Variants in GRM7 observed in about 807,000 individuals in gnomAD.
GRM7 encodes the protein glutamate metabotropic receptor 7.
In GRM7, 35 loss-of-function variants were observed where a neutral mutation model predicts 84.5. That is an observed-to-expected ratio of 0.41 (90% CI 0.32 to 0.55). GRM7 has a LOEUF of 0.55. Ranked by LOEUF, GRM7 falls within the 20% of genes least tolerant of loss-of-function variation. The pLI, the probability that GRM7 is intolerant of heterozygous loss-of-function variation, is 0.19. For synonymous variants in GRM7, 487 were observed against 455.1 expected (o/e 1.07, Z -0.89); for missense variants, 1,003 against 1,194.6 (o/e 0.84, Z 2.36).
Position 6,904,330 on chromosome 3 carries a change from T to C in GRM7, c.519+42423T>C, listed in dbSNP as rs546683654. 4.6e-5 allele frequency among the ~76,000 whole-genome samples: 7 copies of C among 152,298 alleles called. No homozygotes were observed. The South Asian group carries it at 8.3e-4, about 18-fold the overall frequency. On this transcript the variant is annotated intron_variant, in intron 1 of 9. Transcript: ENST00000357716. ...GTATTTATAGTATTTAGTAGAATGA[T>C]CTCTGAGGAAAAACTGTATGGGTTT...
At chr3:7,259,302 T>A (rs188393822) in intron 2 of GRM7, among the ~76,000 whole-genome samples, 1 of 152,310 alleles carries the variant, frequency 6.6e-6, no homozygotes, top group East Asian at 1.9e-4. Context: ...TTATTTTAGA[T>A]TTTGGGATAC....
At chr3:7,057,814 C>T (rs1175325127) in intron 1 of GRM7, among the ~76,000 whole-genome samples, 6 of 151,824 alleles carry the variant, frequency 4.0e-5, no homozygotes, top group African/African-American at 9.7e-5. Context: ...GATGATCTCT[C>T]GATCTAGTGC....
intron 2 of GRM7, among the ~76,000 whole-genome samples, chr3:7,260,378 G>A (rs777925886): frequency 3.9e-5 from 6 of 151,962 alleles, no homozygotes; most frequent in Admixed American, 6.6e-5. Flanking sequence ...TGTCCAGAAC[G>A]GTATTGCCTA....
intron 1 of GRM7, among the ~76,000 whole-genome samples, chr3:7,083,475 G>C (rs554031237): frequency 3.3e-5 from 5 of 152,230 alleles, no homozygotes; most frequent in South Asian, 2.1e-4. Flanking sequence ...GTGGTCTGGA[G>C]CCAATTCTAC....
intron 2 of GRM7, among the ~76,000 whole-genome samples, chr3:7,238,996 CCT>C (rs1460848362): frequency 5.1e-5 from 6 of 118,356 alleles, no homozygotes; most frequent in East Asian, 4.9e-4. Context: ...TTTCTTTTTT[CCT>C]TTTTCTTTTT....
chr3:6,896,796 T>A (rs954428016), intron 1 of GRM7, among the ~76,000 whole-genome samples: 2 of 152,206 alleles, frequency 1.3e-5, no homozygotes, highest in African/African-American at 4.8e-5. Flanking sequence ...GGAAAATAAC[T>A]CTTCTTTCTT....
chr3:7,714,952 T>C (rs1352027184), intron 9 of GRM7, among the ~76,000 whole-genome samples: 2 of 152,190 alleles, frequency 1.3e-5, no homozygotes, highest in East Asian at 3.9e-4. Context: ...TGGTAGCTTC[T>C]CTTCCCAGCC....
intron 4 of GRM7, among the ~76,000 whole-genome samples, chr3:7,307,834 A>G (rs1700246429): frequency 1.3e-5 from 2 of 152,230 alleles, no homozygotes; most frequent in African/African-American, 4.8e-5. Context: ...GCTAGGAGTC[A>G]GGAAAACAAA....
chr3:7,110,804 A>G (rs1692822566), intron 1 of GRM7, among the ~76,000 whole-genome samples: 1 of 152,108 alleles, frequency 6.6e-6, no homozygotes, highest in East Asian at 1.9e-4. Context: ...TGTGTAAATT[A>G]GCAACATCAA....
intron 9 of GRM7, among the ~76,000 whole-genome samples, chr3:7,696,727 C>G (rs1175675087): frequency 6.6e-6 from 1 of 152,152 alleles, no homozygotes; most frequent in East Asian, 1.9e-4. Flanking sequence ...CATTGTCTGA[C>G]AGTTGCTTTG....
intron 1 of GRM7, among the ~76,000 whole-genome samples, chr3:6,890,385 C>G (rs777693559): frequency 3.3e-4 from 50 of 152,146 alleles, no homozygotes; most frequent in Non-Finnish European, 5.9e-4. Flanking sequence ...ATAAATTTCT[C>G]TCTACACACT....
intron 1 of GRM7, among the ~76,000 whole-genome samples, chr3:7,081,327 AT>A (rs1698268804): frequency 6.6e-6 from 1 of 151,928 alleles, no homozygotes; most frequent in African/African-American, 2.4e-5. Context: ...AAATTTTCTC[AT>A]TTTTTATACC....
intron 1 of GRM7, among the ~76,000 whole-genome samples, chr3:7,130,904 C>T (rs562506042): frequency 5.3e-5 from 8 of 152,072 alleles, no homozygotes; most frequent in Non-Finnish European, 8.8e-5. Flanking sequence ...CTGAAAATAC[C>T]TTGGAAATTT....
chr3:7,003,848 G>A (rs1203003442), intron 1 of GRM7, among the ~76,000 whole-genome samples: 1 of 152,142 alleles, frequency 6.6e-6, no homozygotes, highest in African/African-American at 2.4e-5. Context: ...TAGCAGGTTA[G>A]CTAACTTGGG....
intron 2 of GRM7, among the ~76,000 whole-genome samples, chr3:7,230,510 A>C (rs1697159276): frequency 6.6e-6 from 1 of 152,134 alleles, no homozygotes; most frequent in South Asian, 2.1e-4. Context: ...GTGAAGGTTC[A>C]TTTTTTTAAG....
intron 1 of GRM7, among the ~76,000 whole-genome samples, chr3:7,064,463 C>CATATATATATATATAT (rs745409093): frequency 9.2e-5 from 8 of 87,384 alleles, no homozygotes; most frequent in African/African-American, 2.5e-4. Flanking sequence ...GATATATATA[C>CATATATATATATATAT]ATATATATAT....
chr3:7,427,600 G>A (rs888047620), intron 5 of GRM7, among the ~76,000 whole-genome samples: 10 of 152,144 alleles, frequency 6.6e-5, no homozygotes, highest in African/African-American at 2.2e-4. Flanking sequence ...AAAAAGTACA[G>A]TAAGCAATAT....
chr3:7,509,788 T>A (rs1182358362), intron 7 of GRM7, among the ~76,000 whole-genome samples: 15 of 149,768 alleles, frequency 1.0e-4, no homozygotes, highest in Non-Finnish European at 2.2e-4. Flanking sequence ...GCTGGGGAAA[T>A]TTTTTTTTTA....
At chr3:6,909,548 G>C (rs1696695740) in intron 1 of GRM7, among the ~76,000 whole-genome samples, 4 of 152,046 alleles carry the variant, frequency 2.6e-5, no homozygotes, top group African/African-American at 9.7e-5. Context: ...TAGATGGGTG[G>C]ATCAATTGTT....
Sources: gnomAD v4.1 joint callset for allele counts (sites outside exome capture counted in the v4.1 genomes callset) on GRCh38, gnomAD v4.1.1 for gene constraint, MANE v1.5 for transcripts, NCBI Gene and HGNC (gene_info 2026-07-23, HGNC 2026-07-21) for gene names.